CYB5RL: variants seen among roughly 807,000 people sequenced by gnomAD.
CYB5RL encodes NADH-cytochrome b5 reductase-like.
CYB5RL carries 38 observed loss-of-function variants against 37.5 expected under a neutral mutation model. The observed-to-expected ratio is 1.01, with a 90% CI of 0.78 to 1.33. CYB5RL has a LOEUF of 1.33. Among genes scored for constraint, CYB5RL ranks in the 40% most tolerant of loss-of-function variants. The probability of loss-of-function intolerance (pLI) is 0.00; values close to 1 mark genes in which losing one functional copy is unlikely to be tolerated. For synonymous variants in CYB5RL, 141 were observed against 151.9 expected (o/e 0.93, Z 0.53); for missense variants, 388 against 394.4 (o/e 0.98, Z 0.14).
intron 1 of CYB5RL, among the ~76,000 whole-genome samples, chr1:54,199,542 C>G (rs1041326530): frequency 1.1e-4 from 16 of 152,206 alleles, no homozygotes; most frequent in African/African-American, 3.9e-4. Context: ...CAATGCCAAC[C>G]GGGGCTCAGC....
Position 54,187,651 on chromosome 1 carries a change from C to T in CYB5RL, c.435+1G>A, listed in dbSNP as rs763454833. On this transcript the variant is annotated splice_donor_variant, in intron 5 of 7. Coordinates refer to ENST00000534324, the MANE Select transcript of CYB5RL (RefSeq NM_001031672.4). LOFTEE classifies it high-confidence loss of function. ...TGGAGCATCCTCAAGGGTCAACTCA[C>T]CTTAATTAACACTTCAAAGTATCCT... is the stretch of plus-strand genomic sequence containing the variant. 13 of 1,613,908 alleles carry T rather than the reference C, an allele frequency of 8.1e-6. No individual in the cohort carries two copies. The highest frequency in any genetic ancestry group is 1.1e-5 in the Non-Finnish European group (13 of 1,179,804).
chr1:54,198,235 G>A (rs1242004510), intron 1 of CYB5RL, among the ~76,000 whole-genome samples: 2 of 151,908 alleles, frequency 1.3e-5, no homozygotes, highest in African/African-American at 4.8e-5. Flanking sequence ...CAAGGTGTTA[G>A]ATCAACCCAA....
intron 3 of CYB5RL, 61 bp from the exon 4 acceptor site, chr1:54,190,957 T>C (rs1643946505): frequency 1.3e-6 from 2 of 1,568,542 alleles, no homozygotes; most frequent in Non-Finnish European, 1.7e-6. Flanking sequence ...CAGGCATCCA[T>C]AGCATCCTTC....
Position 54,171,041 on chromosome 1 carries a change from C to G in CYB5RL, c.*3578G>C. ...ATGGGCCGGCCCTCATGCTCACATG[C>G]AGATGACACTTATGGGTACAGCGAC... On this transcript the variant is annotated 3_prime_UTR_variant, in exon 8 of 8. Coordinates refer to ENST00000534324, the MANE Select transcript of CYB5RL (RefSeq NM_001031672.4). 1 of 428,296 alleles carries G rather than the reference C, an allele frequency of 2.3e-6. No homozygotes were observed. Among genetic ancestry groups the G allele is most frequent in the Non-Finnish European group, 4.8e-6 (1 of 210,518 alleles). 26.5% of individuals were successfully genotyped at this position (428,296 alleles called of 1,614,324 possible).
chr1:54,177,807 G>T (rs1370160405), intron 7 of CYB5RL, among the ~76,000 whole-genome samples: 1 of 152,242 alleles, frequency 6.6e-6, no homozygotes, highest in Non-Finnish European at 1.5e-5. Flanking sequence ...GTCACCCATA[G>T]ATAGGTGAGC....
intron 2 of CYB5RL, 36 bp downstream of exon 2, chr1:54,196,333 G>A (rs1355948750): frequency 2.0e-5 from 3 of 152,084 alleles, no homozygotes; most frequent in East Asian, 1.9e-4. Context: ...GACTACAGGT[G>A]TGCACCACCA....
At chr1:54,184,450 CT>C in intron 5 of CYB5RL, 185 bp from the exon 6 acceptor site, 1 of 560,590 alleles carries the variant, frequency 1.8e-6, no homozygotes. Context: ...GGCCCAGAAG[CT>C]TACACAGAAG....
At position 54,171,784 on chromosome 1, in the gene CYB5RL, C is replaced by T. The variant is rs1169491820; in HGVS notation, c.*2835G>A. On this transcript the variant is annotated 3_prime_UTR_variant, in exon 8 of 8. Transcript: ENST00000534324. ...CAGCAGCTGATGGGAACCATGCCCC[C>T]ACAGCTCCAAGAGGTCTGAACTCAC... The T allele has an allele frequency of 3.3e-6, 1 of 304,618 alleles. No homozygotes were observed. The highest frequency in any genetic ancestry group is 6.5e-6 in the Non-Finnish European group (1 of 154,488). The allele number at this position is 304,618 out of a possible 1,614,324, so 18.9% of individuals were successfully genotyped here. A position where few individuals can be genotyped will look rare whatever the true frequency, so the allele number is the denominator to read the frequency against.
intron 1 of CYB5RL, among the ~76,000 whole-genome samples, chr1:54,198,185 A>G (rs908218665): frequency 1.3e-5 from 2 of 152,118 alleles, no homozygotes; most frequent in Admixed American, 6.5e-5. Flanking sequence ...ACAGAGGTAA[A>G]CAGGTCATTG....
Position 54,183,246 on chromosome 1 carries a change from G to A in CYB5RL, c.540+915C>T, listed in dbSNP as rs368537866. 3.2e-4 allele frequency among the ~76,000 whole-genome samples: 49 copies of A among 152,272 alleles called. No homozygotes were observed. The East Asian group carries it at 7.3e-3, about 23-fold the overall frequency. On this transcript the variant is annotated intron_variant, in intron 6 of 7. Transcript: ENST00000534324. ...TTACCTAACTGTTCCCCTGCTGTTG[G>A]ATATTCGGTTGTTTCCAATTTTCTG...
In CYB5RL at chr1:54,196,431, ATCT is replaced by A. The variant is rs1446832758; in HGVS notation, c.-165_-163del. 4 of 152,246 alleles carry A rather than the reference ATCT, an allele frequency of 2.6e-5. No homozygotes were observed. The highest frequency in any genetic ancestry group is 4.2e-4 in the South Asian group (2 of 4,818). 9.4% of individuals were successfully genotyped at this position (152,246 alleles called of 1,614,324 possible). On this transcript the variant is annotated 5_prime_UTR_variant, in exon 2 of 8. Coordinates refer to ENST00000534324, the MANE Select transcript of CYB5RL (RefSeq NM_001031672.4). ...GGTCTCGAACTCCTGGCCTCAAGTG[ATCT>A]TCTCATCTCAGTCTCCCAAAGTGCT...
rs544896597 is a variant in CYB5RL at position 54,173,366 on chromosome 1, C to T, written c.*1253G>A. The T allele has an allele frequency of 2.0e-5, 3 of 152,318 alleles. No individual in the cohort carries two copies. In the East Asian group the frequency reaches 5.8e-4, roughly 29 times the overall value. The allele number at this position is 152,318 out of a possible 1,614,324, so 9.4% of individuals were successfully genotyped here. On this transcript the variant is annotated 3_prime_UTR_variant, in exon 8 of 8. Transcript: ENST00000534324. ...ATCTGGAGCTGTCCTTTCACTGCTG[C>T]TATGCAAAGAACCCTTGCTTCCTGT...
chr1:54,197,594 T>C (rs989703742), intron 1 of CYB5RL, among the ~76,000 whole-genome samples: 1 of 152,162 alleles, frequency 6.6e-6, no homozygotes, highest in Non-Finnish European at 1.5e-5. Flanking sequence ...GATGTGAGTT[T>C]GTTTTCCTCT....
chr1:54,184,193 G>A lies in CYB5RL; in HGVS notation c.508C>T (p.Pro170Ser), dbSNP rs751205231. 1.2e-6 allele frequency: 2 copies of A among 1,613,654 alleles called. No homozygotes were observed. The highest frequency in any genetic ancestry group is 3.3e-5 in the Admixed American group (2 of 59,986). Residue 170 changes from proline (P) to serine (S), a missense_variant, in exon 6 of 8, where the codon CCT (proline) becomes TCT (serine). Physicochemically the swap from Pro to Ser is moderately conservative, Grantham distance 74. Coordinates refer to ENST00000534324, the MANE Select transcript of CYB5RL (RefSeq NM_001031672.4). ...RVGDTAFWRGPFGDFFYKPNQ... is the reference protein window; with the variant it reads ...RVGDTAFWRGSFGDFFYKPNQ... ...GGTTTATAGAAGAAATCTCCGAAAG[G>A]TCCTCGCCAGAAAGCTGTGTCTCCT...
intron 1 of CYB5RL, among the ~76,000 whole-genome samples, chr1:54,197,642 G>A (rs938980213): frequency 2.6e-5 from 4 of 152,004 alleles, no homozygotes; most frequent in African/African-American, 7.2e-5. Context: ...ATGCTAATCC[G>A]ACTTCAGTGA....
intron 6 of CYB5RL, among the ~76,000 whole-genome samples, chr1:54,183,000 T>A (rs1042305744): frequency 1.3e-5 from 2 of 152,194 alleles, no homozygotes; most frequent in Non-Finnish European, 2.9e-5. Flanking sequence ...ATGAAGAAAA[T>A]AAAAATCACC....
intron 1 of CYB5RL, among the ~76,000 whole-genome samples, chr1:54,197,464 C>T (rs1644018816): frequency 6.6e-6 from 1 of 151,982 alleles, no homozygotes; most frequent in African/African-American, 2.4e-5. Flanking sequence ...GCTGGGAAAA[C>T]AGGCGCCCAA....
At chr1:54,185,051 C>A (rs1294018236) in intron 5 of CYB5RL, 1 of 152,210 alleles carries the variant, frequency 6.6e-6, no homozygotes, top group Non-Finnish European at 1.5e-5. Context: ...ATGAAGGCAG[C>A]CAGTGCCTGA....
At chr1:54,178,265 C>T (rs942455243) in intron 7 of CYB5RL, among the ~76,000 whole-genome samples, 23 of 152,282 alleles carry the variant, frequency 1.5e-4, no homozygotes, top group African/African-American at 4.3e-4. Context: ...TTAGGGACTA[C>T]ATAAAGCTGC....
Sources: gnomAD v4.1 joint callset for allele counts (sites outside exome capture counted in the v4.1 genomes callset) on GRCh38, gnomAD v4.1.1 for gene constraint, MANE v1.5 for transcripts, NCBI Gene and HGNC (gene_info 2026-07-23, HGNC 2026-07-21) for gene names.